CTTNBP2NL: variants seen among roughly 807,000 people sequenced by gnomAD.
The protein encoded by CTTNBP2NL is CTTNBP2 N-terminal like, also known as CTTNBP2 N-terminal-like protein.
Under a neutral mutation model 32.5 loss-of-function variants are expected in CTTNBP2NL, and 16 were observed. The ratio of observed to expected loss-of-function variants is 0.49; its 90% confidence interval spans 0.33 to 0.75. The LOEUF (loss-of-function observed/expected upper bound fraction) is 0.75. Among genes scored for constraint, CTTNBP2NL ranks in the 30% least tolerant of loss-of-function variants. The pLI is 0.02. For synonymous variants in CTTNBP2NL, 298 were observed against 289.4 expected, an observed-to-expected ratio of 1.03 and a Z score of -0.30; for missense variants, 645 against 756.0, an observed-to-expected ratio of 0.85 and a Z score of 1.72.
intron 3 of CTTNBP2NL, among the ~76,000 whole-genome samples, chr1:112,424,888 C>T (rs1213153377): frequency 6.6e-6 from 1 of 151,944 alleles, no homozygotes; most frequent in Non-Finnish European, 1.5e-5. Context: ...ATGATCATGG[C>T]TCACTGCAGC....
intron 3 of CTTNBP2NL, among the ~76,000 whole-genome samples, chr1:112,446,995 C>T (rs1348085011): frequency 2.0e-5 from 3 of 152,146 alleles, no homozygotes; most frequent in Non-Finnish European, 4.4e-5. Flanking sequence ...AGGGTTTCAG[C>T]CAGGCGCAGT....
At chr1:112,405,490 G>A (rs1459141845) in intron 1 of CTTNBP2NL, among the ~76,000 whole-genome samples, 6 of 152,080 alleles carry the variant, frequency 3.9e-5, no homozygotes, top group Non-Finnish European at 7.4e-5. Flanking sequence ...TAGAGATGGG[G>A]TTTCACCATG....
intron 1 of CTTNBP2NL, among the ~76,000 whole-genome samples, chr1:112,402,632 A>G (rs934763863): frequency 7.9e-5 from 12 of 152,228 alleles, no homozygotes; most frequent in African/African-American, 2.9e-4. Flanking sequence ...TTTCTGCTAA[A>G]TAGTCCTTTC....
intron 1 of CTTNBP2NL, among the ~76,000 whole-genome samples, chr1:112,398,584 T>C (rs1226443731): frequency 6.6e-6 from 1 of 152,150 alleles, no homozygotes; most frequent in South Asian, 2.1e-4. Flanking sequence ...TTAACTTGAT[T>C]TTCCCCATCT....
chr1:112,456,007 G>T lies in CTTNBP2NL; in HGVS notation c.515G>T (p.Arg172Leu), dbSNP rs766592429. The change falls in exon 6 of 6, where the codon CGC (arginine) becomes CTC (leucine). Residue 172 changes from arginine (R) to leucine (L), a missense_variant. Physicochemically the swap from Arg to Leu is moderately radical, Grantham distance 102 (BLOSUM62 -2). Coordinates refer to ENST00000271277, the MANE Select transcript of CTTNBP2NL (RefSeq NM_018704.3). ...CTCTCTAGTCAGCTGGAAGAGGAGC[G>T]CTCCCGCCACAAGCAGCTCTCATCC... is the stretch of plus-strand genomic sequence containing the variant. Reference protein sequence around the residue: ...KKLSSQLEEERSRHKQLSSML... With the variant: ...KKLSSQLEEELSRHKQLSSML... The T allele has an allele frequency of 1.2e-6, 2 of 1,613,010 alleles. No individual in the cohort carries two copies. Among genetic ancestry groups the T allele is most frequent in the Non-Finnish European group, 8.5e-7 (1 of 1,179,870 alleles).
At chr1:112,397,368 G>A (rs189095668) in intron 1 of CTTNBP2NL, among the ~76,000 whole-genome samples, 2 of 152,176 alleles carry the variant, frequency 1.3e-5, no homozygotes, top group Admixed American at 6.5e-5. Flanking sequence ...AGTCATCTAG[G>A]TTTATGATTA....
In CTTNBP2NL at chr1:112,455,960, G is replaced by A. The variant is rs202227942; in HGVS notation, c.468G>A (p.Lys156=). 3 of 1,581,338 alleles carry A rather than the reference G, an allele frequency of 1.9e-6. No homozygotes were observed. The highest frequency in any genetic ancestry group is 1.7e-4 in the Middle Eastern group (1 of 5,826). ...AATTTGAAAAATCCCAAGTGAAAAA[G>A]TTTGAAAAAGAACAGAAGAAGCTCT... ...QLEFEKSQVK[K]FEKEQKKLSS... The change falls in exon 6 of 6, where the codon AAG becomes AAA. Residue 156 remains lysine, a synonymous_variant. Coordinates refer to ENST00000271277, the MANE Select transcript of CTTNBP2NL (RefSeq NM_018704.3).
intron 2 of CTTNBP2NL, among the ~76,000 whole-genome samples, chr1:112,415,420 G>A (rs933097245): frequency 5.3e-5 from 8 of 152,028 alleles, no homozygotes; most frequent in Non-Finnish European, 7.4e-5. Context: ...ATATCAGAAT[G>A]TTTTATATAC....
intron 1 of CTTNBP2NL, among the ~76,000 whole-genome samples, chr1:112,407,874 T>C (rs1197933050): frequency 3.4e-5 from 4 of 118,742 alleles, no homozygotes; most frequent in Admixed American, 1.0e-4. Context: ...AGGCAGGGTC[T>C]CGCTGTATTG....
chr1:112,457,433 C>T lies in CTTNBP2NL; in HGVS notation c.*21C>T, dbSNP rs369270360. 4 of 1,572,044 alleles carry T rather than the reference C, an allele frequency of 2.5e-6. No homozygotes were observed. The highest frequency in any genetic ancestry group is 3.5e-6 in the Non-Finnish European group (4 of 1,159,096). On this transcript the variant is annotated 3_prime_UTR_variant, in exon 6 of 6. Transcript: ENST00000271277. Reference sequence around the variant, plus strand: ...GCTAGTCCCTAGGAGGGAGTCTCCACGTTTGACATTCCATCAGATTTCGTC... The same window carrying T: ...GCTAGTCCCTAGGAGGGAGTCTCCATGTTTGACATTCCATCAGATTTCGTC...
upstream of CTTNBP2NL, among the ~76,000 whole-genome samples, chr1:112,394,333 A>T (rs1648258845): frequency 6.6e-6 from 1 of 152,160 alleles, no homozygotes; most frequent in Non-Finnish European, 1.5e-5. Flanking sequence ...TCAGGCGATG[A>T]GGCACTTCCT....
intron 1 of CTTNBP2NL, among the ~76,000 whole-genome samples, chr1:112,401,385 A>G (rs1648493895): frequency 6.6e-6 from 1 of 152,180 alleles, no homozygotes; most frequent in African/African-American, 2.4e-5. Context: ...GAAAAAAGAA[A>G]GGCAAGGGAT....
intron 1 of CTTNBP2NL, among the ~76,000 whole-genome samples, chr1:112,408,220 A>ATTTTTTTTTTTTTTTTTTT (rs397981257): frequency 1.9e-5 from 2 of 103,760 alleles, no homozygotes; most frequent in Non-Finnish European, 3.7e-5. Context: ...TTTTTTTTTA[A>ATTTTTTTTTTTTTTTTTTT]TTTTTTTTTT....
At chr1:112,439,641 G>T (rs1649837829) in intron 3 of CTTNBP2NL, among the ~76,000 whole-genome samples, 1 of 152,146 alleles carries the variant, frequency 6.6e-6, no homozygotes, top group East Asian at 1.9e-4. Flanking sequence ...TCCAATAAAG[G>T]TTTTTCAAGT....
chr1:112,437,323 C>A (rs1013442925), intron 3 of CTTNBP2NL, among the ~76,000 whole-genome samples: 2 of 152,156 alleles, frequency 1.3e-5, no homozygotes, highest in African/African-American at 2.4e-5. Context: ...AATAGCCATT[C>A]TGACTGGTAT....
In CTTNBP2NL at chr1:112,457,087, A is replaced by G; in HGVS notation, c.1595A>G (p.Asp532Gly). The part of the protein sequence containing the change: ...VSPNSSPFGT[D>G]YRNLANTANP... The stretch of plus-strand genomic sequence containing the variant: ...CCCAACAGCTCTCCCTTTGGCACAG[A>G]CTATCGAAATCTAGCCAACACTGCC... Residue 532 changes from aspartate (D) to glycine (G), a missense_variant, in exon 6 of 6, where the codon GAC (aspartate) becomes GGC (glycine). Asp to Gly is a moderately conservative substitution (Grantham distance 94, BLOSUM62 -1). Coordinates refer to ENST00000271277, the MANE Select transcript of CTTNBP2NL (RefSeq NM_018704.3). 1 of 1,614,128 alleles carries G rather than the reference A, an allele frequency of 6.2e-7. No individual in the cohort carries two copies. The highest frequency in any genetic ancestry group is 2.2e-5 in the East Asian group (1 of 44,866).
At chr1:112,446,671 C>T (rs1029606182) in intron 3 of CTTNBP2NL, among the ~76,000 whole-genome samples, 2 of 152,150 alleles carry the variant, frequency 1.3e-5, no homozygotes, top group Non-Finnish European at 2.9e-5. Flanking sequence ...CTGCTTCAGC[C>T]TCCCAAGTAG....
chr1:112,403,508 CA>C (rs1648566841), intron 1 of CTTNBP2NL, among the ~76,000 whole-genome samples: 1 of 152,124 alleles, frequency 6.6e-6, no homozygotes, highest in African/African-American at 2.4e-5. Flanking sequence ...GATATGTAAA[CA>C]GATGAATTGA....
chr1:112,421,695 GTTATTAGTGGCACTTGGACATTATC>G (rs747053751), intron 3 of CTTNBP2NL, among the ~76,000 whole-genome samples: 4 of 151,152 alleles, frequency 2.6e-5, no homozygotes, highest in African/African-American at 4.9e-5. Flanking sequence ...AATCTTTGTT[GTTATTAGTGGCACTTGGACATTATC>G]TTGTTTTTCT....
Sources: allele counts gnomAD v4.1 joint callset (sites outside exome capture counted in the v4.1 genomes callset), GRCh38; gene constraint gnomAD v4.1.1; transcripts MANE v1.5; gene names NCBI Gene and HGNC (gene_info 2026-07-23, HGNC 2026-07-21).